DCAF15: variants seen among roughly 807,000 people sequenced by gnomAD.
The protein encoded by DCAF15 is DDB1 and CUL4 associated factor 15, also known as DDB1- and CUL4-associated factor 15.
In DCAF15, 24 loss-of-function variants were observed where a neutral mutation model predicts 68.0. The ratio of observed to expected loss-of-function variants is 0.35; its 90% CI spans 0.26 to 0.50. DCAF15 has a LOEUF of 0.50. Ranked by LOEUF, DCAF15 falls within the 20% of genes least tolerant of loss-of-function variation. DCAF15 has a pLI of 0.98. For synonymous variants in DCAF15, 376 were observed against 341.6 expected, an observed-to-expected ratio of 1.10 and a Z score of -1.11; for missense variants, 627 against 830.6, an observed-to-expected ratio of 0.75 and a Z score of 3.01.
At position 13,954,332 on chromosome 19, in the gene DCAF15, T is replaced by C; in HGVS notation, c.133-8T>C. 1 of 1,612,376 alleles carries C rather than the reference T, an allele frequency of 6.2e-7. No individual in the cohort carries two copies. Among genetic ancestry groups the C allele is most frequent in the Non-Finnish European group, 8.5e-7 (1 of 1,179,648 alleles). On this transcript the variant is annotated splice_polypyrimidine_tract_variant and splice_region_variant and intron_variant, in intron 1 of 12. Transcript: ENST00000254337. ...GTGCCTGAAGTGCCCTGGCCACCCC[T>C]TCCCCAGATCAGCGGACAGCTCTCC...
rs534533788 is a variant in DCAF15 at position 13,959,327 on chromosome 19, G to T, written c.1067G>T (p.Arg356Leu). ...CCAGGACCCTCTGGCAGCCGCTGCC[G>T]TGCGCACTCTGAGCCCCTAGCCCTG... is the stretch of plus-strand genomic sequence containing the variant. ...LCPGPSGSRC[R>L]AHSEPLALCG... Residue 356 changes from arginine (R) to leucine (L), a missense_variant, in exon 7 of 13, where the codon CGT becomes CTT. Coordinates refer to ENST00000254337, the MANE Select transcript of DCAF15 (RefSeq NM_138353.4). 1.9e-6 allele frequency: 3 copies of T among 1,606,588 alleles called. No individual in the cohort carries two copies. Among genetic ancestry groups the T allele is most frequent in the East Asian group, 2.2e-5 (1 of 44,860 alleles).
At chr19:13,953,259 C>T (rs1482208169) in intron 1 of DCAF15, 1 of 965,476 alleles carries the variant, frequency 1.0e-6, no homozygotes, top group Non-Finnish European at 1.5e-6. Flanking sequence ...ATGTCTCTCT[C>T]CCCCATCAGT....
At chr19:13,953,103 C>G (rs1233694160) in intron 1 of DCAF15, 1 of 1,550,660 alleles carries the variant, frequency 6.4e-7, no homozygotes, top group East Asian at 2.5e-5. Context: ...CACACATGAG[C>G]TGGGAGTTCC....
rs750708080 is a variant in DCAF15 at position 13,954,642 on chromosome 19, T to C, written c.347T>C (p.Val116Ala). ...CATCTGTACTGGTGGGAGTTCAACG[T>C]TCACAGCAAGCTCAAGCTGGTAGGG... The part of the protein sequence containing the change: ...IYHLYWWEFN[V>A]HSKLKLVRQV... Residue 116 changes from valine to alanine, a missense_variant, in exon 3 of 13, where the codon GTT becomes GCT. Physicochemically the swap from Val to Ala is moderately conservative, Grantham distance 64. Around this residue, in one of 3 missense-constraint regions of DCAF15, gnomAD observed 273 missense variants for 393.7 expected, o/e 0.69. Transcript: ENST00000254337. The C allele has an allele frequency of 1.9e-6, 3 of 1,614,172 alleles. No homozygotes were observed. In the South Asian group the frequency reaches 3.3e-5, roughly 18 times the overall value.
At chr19:13,955,275 C>T (rs1973308428) in intron 3 of DCAF15, among the ~76,000 whole-genome samples, 1 of 151,884 alleles carries the variant, frequency 6.6e-6, no homozygotes, top group Non-Finnish European at 1.5e-5. Context: ...ACAAAATTAG[C>T]CGGGCATGGT....
chr19:13,961,079 G>T lies in DCAF15; in HGVS notation c.*84G>T. 2 of 1,537,024 alleles carry T rather than the reference G, an allele frequency of 1.3e-6. No homozygotes were observed. Among genetic ancestry groups the T allele is most frequent in the South Asian group, 1.1e-5 (1 of 88,510 alleles). On this transcript the variant is annotated 3_prime_UTR_variant, in exon 13 of 13. Coordinates refer to ENST00000254337, the MANE Select transcript of DCAF15 (RefSeq NM_138353.4). ...TTCCTGGGGTGGCCTCTTCCTGGCCGGCTGGCCCACCGACTGATGACCGGC... is the reference window on the plus strand; with the variant it reads ...TTCCTGGGGTGGCCTCTTCCTGGCCTGCTGGCCCACCGACTGATGACCGGC...
chr19:13,958,940 T>C lies in DCAF15; in HGVS notation c.785-105T>C, dbSNP rs889265240. The stretch of plus-strand genomic sequence containing the variant: ...AAACTGATCTCAGCATAGCCAAGTC[T>C]CCTAGAAGTGTCTCCTTAAGGTGGG... On this transcript the variant is annotated intron_variant, in intron 6 of 12. Coordinates refer to ENST00000254337, the MANE Select transcript of DCAF15 (RefSeq NM_138353.4). The C allele has an allele frequency of 5.8e-6, 8 of 1,389,334 alleles. No individual in the cohort carries two copies. The African/African-American group carries it at 1.2e-4, about 20-fold the overall frequency. 86.1% of individuals were successfully genotyped at this position (1,389,334 alleles called of 1,614,324 possible).
chr19:13,959,690 G>T lies in DCAF15; in HGVS notation c.1311+17G>T. The stretch of plus-strand genomic sequence containing the variant: ...GCTGTCCAGGTGGGTGTGGGCAGTG[G>T]GCGGGCCAAGGACAGTCCCGGGGAG... On this transcript the variant is annotated intron_variant, in intron 8 of 12. Transcript: ENST00000254337. The T allele has an allele frequency of 6.2e-7, 1 of 1,613,220 alleles. No homozygotes were observed. Among genetic ancestry groups the T allele is most frequent in the Non-Finnish European group, 8.5e-7 (1 of 1,179,796 alleles).
chr19:13,958,112 C>G (rs1234195390), intron 6 of DCAF15, among the ~76,000 whole-genome samples: 1 of 152,140 alleles, frequency 6.6e-6, no homozygotes, highest in African/African-American at 2.4e-5. Context: ...CTGTCTCTTG[C>G]TGAGGCTTGA....
chr19:13,956,065 T>TG, intron 4 of DCAF15, 47 bp downstream of exon 4: 1 of 1,609,706 alleles, frequency 6.2e-7, no homozygotes, highest in Non-Finnish European at 8.5e-7. Context: ...GGGCAGGGGG[T>TG]GTGCAGTGGG....
chr19:13,961,265 TG>T lies in DCAF15; in HGVS notation c.*273del. On this transcript the variant is annotated 3_prime_UTR_variant, in exon 13 of 13. Coordinates refer to ENST00000254337, the MANE Select transcript of DCAF15 (RefSeq NM_138353.4). The stretch of plus-strand genomic sequence containing the variant: ...CCCCGCCTTCACCCCGAGCTGGGCA[TG>T]GGCCTGGCCCCTCGTGCATTTGCCC... 1.8e-6 allele frequency: 1 copy of T among 554,066 alleles called. No homozygotes were observed. Among genetic ancestry groups the T allele is most frequent in the Non-Finnish European group, 3.3e-6 (1 of 307,526 alleles). 34.3% of individuals were successfully genotyped at this position (554,066 alleles called of 1,614,324 possible).
chr19:13,959,092 C>G lies in DCAF15; in HGVS notation c.832C>G (p.Leu278Val), dbSNP rs1973480497. ...QILYDHSTCP[L>V]APASPPEPQS... ...CCTGTATGACCACAGCACCTGCCCCCTGGCGCCTGCCAGCCCCCCTGAGCC... is the reference window on the plus strand; with the variant it reads ...CCTGTATGACCACAGCACCTGCCCCGTGGCGCCTGCCAGCCCCCCTGAGCC... Residue 278 changes from leucine to valine, a missense_variant, in exon 7 of 13, where the codon CTG becomes GTG. Coordinates refer to ENST00000254337, the MANE Select transcript of DCAF15 (RefSeq NM_138353.4). 4 of 1,612,442 alleles carry G rather than the reference C, an allele frequency of 2.5e-6. No individual in the cohort carries two copies. Among genetic ancestry groups the G allele is most frequent in the Admixed American group, 1.7e-5 (1 of 59,948 alleles).
chr19:13,960,101 C>G (rs746472744), intron 10 of DCAF15, 32 bp downstream of exon 10: 1 of 1,610,752 alleles, frequency 6.2e-7, no homozygotes, highest in Non-Finnish European at 8.5e-7. Flanking sequence ...TCTCTGTCCA[C>G]TAGGGGGGCC....
intron 1 of DCAF15, chr19:13,953,109 G>T (rs2145481700): frequency 1.3e-6 from 2 of 1,550,478 alleles, no homozygotes; most frequent in East Asian, 2.5e-5. Flanking sequence ...TGAGCTGGGA[G>T]TTCCAGTACC....
chr19:13,956,191 A>G lies in DCAF15; in HGVS notation c.542A>G (p.Tyr181Cys), dbSNP rs1973353960. The change falls in exon 5 of 13, where the codon TAC becomes TGC. Residue 181 changes from tyrosine to cysteine, a missense_variant. By Grantham distance (194) the Tyr-to-Cys change is radical (BLOSUM62 -2). This residue lies in a region of DCAF15 where 273 missense variants were observed against 393.7 expected (regional missense o/e 0.69). Transcript: ENST00000254337. ...AGTGACGAGAACCACCGTGACATCT[A>G]CGTCAGCACCGTGGCCGTGCCACCG... ...MMSDENHRDI[Y>C]VSTVAVPPPG... The G allele has an allele frequency of 2.5e-6, 4 of 1,611,454 alleles. No homozygotes were observed. Among genetic ancestry groups the G allele is most frequent in the African/African-American group, 1.3e-5 (1 of 74,884 alleles).
chr19:13,960,088 C>T lies in DCAF15; in HGVS notation c.1526+19C>T, dbSNP rs1321158528. On this transcript the variant is annotated intron_variant, in intron 10 of 12. Transcript: ENST00000254337. ...AGCTCCGGTGAGCGCGGGGATCCTGCCCTCTCTGTCCACTAGGGGGGCCAC... is the reference window on the plus strand; with the variant it reads ...AGCTCCGGTGAGCGCGGGGATCCTGTCCTCTCTGTCCACTAGGGGGGCCAC... 6 of 1,612,362 alleles carry T rather than the reference C, an allele frequency of 3.7e-6. No individual in the cohort carries two copies. Among genetic ancestry groups the T allele is most frequent in the African/African-American group, 1.3e-5 (1 of 74,902 alleles).
chr19:13,952,943 G>A, intron 1 of DCAF15: 1 of 895,986 alleles, frequency 1.1e-6, no homozygotes, highest in Non-Finnish European at 1.6e-6. Flanking sequence ...GCCGCAGGGA[G>A]AATCAGGAGG....
At chr19:13,953,011 C>G (rs1973147061) in intron 1 of DCAF15, 1 of 1,292,080 alleles carries the variant, frequency 7.7e-7, no homozygotes. Context: ...ATAATGGAAC[C>G]TTCCCGCCCC....
At position 13,960,510 on chromosome 19, in the gene DCAF15, C is replaced by A; in HGVS notation, c.1677C>A (p.Val559=). The change falls in exon 12 of 13, where the codon GTC becomes GTA. Residue 559 remains valine (V), a synonymous_variant. Transcript: ENST00000254337. ...ACCGCAAGAGCTGCGTGGACATGGTCATGAAGTGGCTGGTGCCGGAGAGCA... is the reference window on the plus strand; with the variant it reads ...ACCGCAAGAGCTGCGTGGACATGGTAATGAAGTGGCTGGTGCCGGAGAGCA... ...SSYRKSCVDM[V]MKWLVPESSG... The A allele has an allele frequency of 1.2e-6, 2 of 1,610,866 alleles. No homozygotes were observed. Among genetic ancestry groups the A allele is most frequent in the South Asian group, 2.2e-5 (2 of 90,666 alleles).
Sources: gnomAD v4.1 joint callset for allele counts (sites outside exome capture counted in the v4.1 genomes callset) on GRCh38, gnomAD v4.1.1 for gene constraint, gnomAD v4.1.1 regional missense constraint, MANE v1.5 for transcripts, NCBI Gene and HGNC (gene_info 2026-07-23, HGNC 2026-07-21) for gene names.